Variants in GPC3 observed in about 807,000 individuals in gnomAD.
GPC3 encodes the protein glypican-3.
In GPC3, 3 loss-of-function variants were observed where a neutral mutation model predicts 34.4. The ratio of observed to expected loss-of-function variants is 0.09; its 90% CI spans 0.04 to 0.23. The LOEUF is 0.23. Ranked by LOEUF, GPC3 falls within the 10% of genes least tolerant of loss-of-function variation. GPC3 has a pLI of 1.00. For missense variants in GPC3, 351 were observed against 445.6 expected (o/e 0.79, Z 1.91); for synonymous variants, 177 against 174.0 (o/e 1.02, Z -0.13).
At chrX:133,609,214 A>G (rs1270729493) in intron 6 of GPC3, among the ~76,000 whole-genome samples, 1 of 112,638 alleles carries the variant, frequency 8.9e-6, no homozygotes, top group African/African-American at 3.2e-5. Flanking sequence ...AAAGATGCTA[A>G]AATGATTGGG....
intron 3 of GPC3, among the ~76,000 whole-genome samples, chrX:133,742,220 AT>A (rs1461976778): frequency 1.8e-5 from 2 of 111,840 alleles, no homozygotes; most frequent in Non-Finnish European, 3.8e-5. Context: ...AGGAAAAGGG[AT>A]GGGCTTAGTG....
At chrX:133,914,981 A>ATATATG (rs1491286825) in intron 2 of GPC3, among the ~76,000 whole-genome samples, 8 of 92,310 alleles carry the variant, frequency 8.7e-5, no homozygotes, top group African/African-American at 2.9e-4. Context: ...ATATATATAT[A>ATATATG]AAGTTTTATA....
intron 7 of GPC3, among the ~76,000 whole-genome samples, chrX:133,539,243 C>T (rs938674543): frequency 9.0e-6 from 1 of 111,419 alleles, no homozygotes; most frequent in Non-Finnish European, 1.9e-5. Flanking sequence ...CATATTTACA[C>T]AGCTGGTATG....
intron 2 of GPC3, among the ~76,000 whole-genome samples, chrX:133,806,774 G>T (rs2075638270): frequency 1.8e-5 from 2 of 109,529 alleles, no homozygotes; most frequent in South Asian, 4.0e-4. Context: ...TCAGCCTCCC[G>T]AGTAGCTGGG....
intron 2 of GPC3, among the ~76,000 whole-genome samples, chrX:133,884,925 G>A (rs900618769): frequency 3.6e-5 from 4 of 111,684 alleles, no homozygotes; most frequent in African/African-American, 1.3e-4. Flanking sequence ...CTAATCTCTG[G>A]TATTTTTTGT....
intron 6 of GPC3, among the ~76,000 whole-genome samples, chrX:133,616,203 TTGATA>T (rs2070161799): frequency 3.6e-5 from 4 of 111,984 alleles, no homozygotes; most frequent in African/African-American, 1.3e-4. Flanking sequence ...GAATACACGA[TTGATA>T]TAATAAATTA....
intron 2 of GPC3, among the ~76,000 whole-genome samples, chrX:133,951,992 C>T (rs956860018): frequency 1.8e-5 from 2 of 111,081 alleles, no homozygotes; most frequent in Admixed American, 9.6e-5. Flanking sequence ...TATCTGACCT[C>T]GATCCTCTCT....
chrX:133,954,097 T>C (rs747432802), intron 1 of GPC3, among the ~76,000 whole-genome samples: 1 of 112,094 alleles, frequency 8.9e-6, no homozygotes, highest in African/African-American at 3.2e-5. Context: ...GTTCCGTTTA[T>C]ACAAAAGTCT....
chrX:133,856,000 C>T (rs1003741685), intron 2 of GPC3, among the ~76,000 whole-genome samples: 1 of 111,940 alleles, frequency 8.9e-6, no homozygotes, highest in African/African-American at 3.2e-5. Context: ...CATACACACA[C>T]AAGCAGCACA....
At chrX:133,638,814 G>T (rs2070453598) in intron 6 of GPC3, among the ~76,000 whole-genome samples, 1 of 94,743 alleles carries the variant, frequency 1.1e-5, no homozygotes, top group Non-Finnish European at 2.0e-5. Context: ...AACAATAGCT[G>T]ATGAGCTAAA....
intron 2 of GPC3, among the ~76,000 whole-genome samples, chrX:133,904,797 G>A (rs1048968001): frequency 1.8e-5 from 2 of 111,522 alleles, no homozygotes; most frequent in African/African-American, 6.5e-5. Context: ...TCATTGATGA[G>A]GCAGCACTAA....
chrX:133,962,009 G>A (rs745571280), intron 1 of GPC3, among the ~76,000 whole-genome samples: 1 of 112,096 alleles, frequency 8.9e-6, no homozygotes, highest in Admixed American at 9.5e-5. Flanking sequence ...GGGCACAGGG[G>A]TGTGAAAGTG....
chrX:133,709,581 C>G (rs1049582946), intron 3 of GPC3, among the ~76,000 whole-genome samples: 1 of 111,736 alleles, frequency 8.9e-6, no homozygotes, highest in African/African-American at 3.2e-5. Flanking sequence ...TTTAACAATT[C>G]TACAGGTATA....
chrX:133,880,110 T>C lies in GPC3; in HGVS notation c.337+72940A>G, dbSNP rs771986145. Reference sequence around the variant, plus strand: ...AGAGAGAAAAAATAAACACAACTTTTATGAGCACAGTAGCTGACTTTGAGG... The same window carrying C: ...AGAGAGAAAAAATAAACACAACTTTCATGAGCACAGTAGCTGACTTTGAGG... On this transcript the variant is annotated intron_variant, in intron 2 of 7. Transcript: ENST00000370818. Among the ~76,000 whole-genome samples the C allele has an allele frequency of 9.8e-5, 11 of 111,994 alleles. No individual in the cohort carries two copies. In the South Asian group the frequency reaches 3.4e-3, roughly 35 times the overall value.
chrX:133,738,881 T>G (rs765767378), intron 3 of GPC3, among the ~76,000 whole-genome samples: 65 of 111,687 alleles, frequency 5.8e-4, no homozygotes, highest in African/African-American at 2.0e-3. Flanking sequence ...TCCTGGTTAT[T>G]AGTGGCAAAG....
intron 6 of GPC3, among the ~76,000 whole-genome samples, chrX:133,622,883 GA>G (rs1490797972): frequency 8.1e-5 from 9 of 111,566 alleles, no homozygotes; most frequent in Non-Finnish European, 1.7e-4. Context: ...TGAAATGAAG[GA>G]AAAAATGTTA....
intron 1 of GPC3, among the ~76,000 whole-genome samples, chrX:133,966,791 T>A (rs1483579144): frequency 8.9e-6 from 1 of 112,574 alleles, no homozygotes; most frequent in Non-Finnish European, 1.9e-5. Context: ...ATTTATGCCA[T>A]CTTGGGGAAT....
chrX:133,802,423 T>G (rs767581070), intron 2 of GPC3, among the ~76,000 whole-genome samples: 1 of 112,324 alleles, frequency 8.9e-6, no homozygotes, highest in South Asian at 3.8e-4. Flanking sequence ...CAAACTGTTT[T>G]GTATAAACTG....
At chrX:133,862,524 C>CA (rs760286014) in intron 2 of GPC3, among the ~76,000 whole-genome samples, 4,783 of 75,883 alleles carry the variant, frequency 0.063, 273 homozygotes, top group African/African-American at 0.18. Flanking sequence ...ACTAAAAATA[C>CA]AAAAAAAAAA....
Sources: gnomAD v4.1 joint callset for allele counts (sites outside exome capture counted in the v4.1 genomes callset) on GRCh38, gnomAD v4.1.1 for gene constraint, MANE v1.5 for transcripts, NCBI Gene and HGNC (gene_info 2026-07-23, HGNC 2026-07-21) for gene names.